SNX6: variants seen among roughly 807,000 people sequenced by gnomAD.
The protein encoded by SNX6 is sorting nexin 6.
Under a neutral mutation model 63.0 loss-of-function variants are expected in SNX6, and 34 were observed. The ratio of observed to expected loss-of-function variants is 0.54; its 90% CI spans 0.41 to 0.72. The LOEUF (loss-of-function observed/expected upper bound fraction) is 0.72. SNX6 is among the 30% of genes least tolerant of loss of function. The pLI is 0.00. For synonymous variants in SNX6, 170 were observed against 164.2 expected, an observed-to-expected ratio of 1.04 and a Z score of -0.27; for missense variants, 398 against 471.4, an observed-to-expected ratio of 0.84 and a Z score of 1.44.
chr14:34,581,235 C>T (rs762214777), intron 10 of SNX6, among the ~76,000 whole-genome samples: 4 of 152,174 alleles, frequency 2.6e-5, no homozygotes, highest in African/African-American at 4.8e-5. Flanking sequence ...CTCACTACAA[C>T]GTTGGCCTCC....
chr14:34,571,137 A>G (rs536542062), intron 11 of SNX6, among the ~76,000 whole-genome samples: 1 of 152,184 alleles, frequency 6.6e-6, no homozygotes, highest in South Asian at 2.1e-4. Context: ...TCAAGCCATG[A>G]AAAGACATAG....
At chr14:34,574,595 G>A (rs79387149) in intron 11 of SNX6, among the ~76,000 whole-genome samples, 10,292 of 133,742 alleles carry the variant, frequency 0.077, 800 homozygotes, top group African/African-American at 0.22. Flanking sequence ...GGTTACAGTT[G>A]GGTGACAGAG....
rs190693895 is a variant in SNX6, at chr14:34,627,633, G to C, written c.54+2274C>G. Reference sequence around the variant, plus strand: ...GCCTCTGAAGTAACTGGAATTACAGGCATGCGCCACCATGCCCAGCTAATT... The same window carrying C: ...GCCTCTGAAGTAACTGGAATTACAGCCATGCGCCACCATGCCCAGCTAATT... On this transcript the variant is annotated intron_variant, in intron 2 of 13. Transcript: ENST00000362031. Among the ~76,000 whole-genome samples, 994 of 152,122 alleles carry C rather than the reference G, an allele frequency of 6.5e-3. 10 individuals carry two copies. Among genetic ancestry groups the C allele is most frequent in the African/African-American group, 0.022 (917 of 41,500 alleles).
chr14:34,596,654 A>T (rs1201897328), intron 7 of SNX6, among the ~76,000 whole-genome samples: 10 of 151,148 alleles, frequency 6.6e-5, no homozygotes, highest in Admixed American at 1.3e-4. Flanking sequence ...GAAAATGGAA[A>T]AGCTGAGATC....
At chr14:34,570,072 T>TG (rs913929836) in intron 11 of SNX6, among the ~76,000 whole-genome samples, 1 of 152,060 alleles carries the variant, frequency 6.6e-6, no homozygotes, top group African/African-American at 2.4e-5. Flanking sequence ...GTTTTTTTTT[T>TG]TGTTTCATTT....
chr14:34,612,075 A>T (rs1364033321), intron 2 of SNX6, among the ~76,000 whole-genome samples: 1 of 151,778 alleles, frequency 6.6e-6, no homozygotes, highest in African/African-American at 2.4e-5. Context: ...CACCGTGTCC[A>T]GCCTCCTTTT....
intron 11 of SNX6, chr14:34,575,477 G>A (rs963326976): frequency 3.5e-5 from 6 of 171,060 alleles, no homozygotes; most frequent in African/African-American, 9.6e-5. Flanking sequence ...TGGGATTACA[G>A]GCGTGAGCCA....
At chr14:34,578,684 T>C (rs1170129574) in intron 10 of SNX6, among the ~76,000 whole-genome samples, 5 of 148,394 alleles carry the variant, frequency 3.4e-5, no homozygotes, top group Non-Finnish European at 7.4e-5. Context: ...CTCATGCCTG[T>C]AATCCCAGCA....
At chr14:34,629,004 C>T (rs1026866471) in intron 2 of SNX6, among the ~76,000 whole-genome samples, 1 of 151,988 alleles carries the variant, frequency 6.6e-6, no homozygotes, top group South Asian at 2.1e-4. Flanking sequence ...ATGCAACTAA[C>T]CTCAGAACAC....
At chr14:34,576,227 G>C (rs775121826) in intron 10 of SNX6, among the ~76,000 whole-genome samples, 7 of 151,306 alleles carry the variant, frequency 4.6e-5, no homozygotes, top group African/African-American at 1.7e-4. Context: ...GCCCGGCCTC[G>C]TTTCCTTCTT....
rs373805193 is a variant in SNX6 at position 34,562,148 on chromosome 14, A to G, written c.*974T>C. The G allele has an allele frequency of 6.3e-4, 95 of 149,768 alleles. No individual in the cohort carries two copies. In the East Asian group the frequency reaches 0.015, roughly 24 times the overall value. 9.3% of individuals were successfully genotyped at this position (149,768 alleles called of 1,614,324 possible). On this transcript the variant is annotated 3_prime_UTR_variant, in exon 14 of 14. Coordinates refer to ENST00000362031, the MANE Select transcript of SNX6 (RefSeq NM_152233.4). ...ACATACCAATCTATCCACTCGCATA[A>G]CTACTAAGTGGCTCAATGGCCTATG...
At chr14:34,601,721 A>T (rs978982295) in intron 6 of SNX6, among the ~76,000 whole-genome samples, 15 of 151,496 alleles carry the variant, frequency 9.9e-5, no homozygotes, top group Non-Finnish European at 2.1e-4. Flanking sequence ...TAGCCTCCCG[A>T]GTAGCTGGGA....
chr14:34,577,036 C>T (rs896620101), intron 10 of SNX6, among the ~76,000 whole-genome samples: 7 of 151,838 alleles, frequency 4.6e-5, no homozygotes, highest in Admixed American at 2.0e-4. Flanking sequence ...GGTGACAGAG[C>T]GAGAGACTGT....
At chr14:34,628,454 G>A (rs952031405) in intron 2 of SNX6, among the ~76,000 whole-genome samples, 6 of 152,092 alleles carry the variant, frequency 3.9e-5, no homozygotes, top group Non-Finnish European at 7.4e-5. Flanking sequence ...GCAAGACTCC[G>A]TCTCAAAAAG....
In SNX6 at chr14:34,567,235, T is replaced by C. The variant is rs1480062656; in HGVS notation, c.1167+451A>G. ...GGTACGGTGGCTCGTGTCTGTAATC[T>C]CAGCACTTTGGGAGGCTGAGGCAGG... On this transcript the variant is annotated intron_variant, in intron 13 of 13. Coordinates refer to ENST00000362031, the MANE Select transcript of SNX6 (RefSeq NM_152233.4). Among the ~76,000 whole-genome samples the C allele has an allele frequency of 2.0e-5, 3 of 150,104 alleles. No homozygotes were observed. In the East Asian group the frequency reaches 6.0e-4, roughly 30 times the overall value.
intron 9 of SNX6, among the ~76,000 whole-genome samples, chr14:34,585,337 T>C (rs899915836): frequency 6.6e-6 from 1 of 151,968 alleles, no homozygotes; most frequent in African/African-American, 2.4e-5. Flanking sequence ...CTGGCCAATA[T>C]GGTGAAACCC....
chr14:34,607,374 G>C (rs1055792008), intron 4 of SNX6, among the ~76,000 whole-genome samples: 1 of 152,070 alleles, frequency 6.6e-6, no homozygotes, highest in African/African-American at 2.4e-5. Flanking sequence ...GGGAGGCCGA[G>C]GCAGGGGGAA....
intron 5 of SNX6, among the ~76,000 whole-genome samples, chr14:34,604,460 G>A (rs911067630): frequency 6.6e-6 from 1 of 152,124 alleles, no homozygotes; most frequent in African/African-American, 2.4e-5. Flanking sequence ...GCATCCTGAA[G>A]AGAAGTATAG....
intron 2 of SNX6, among the ~76,000 whole-genome samples, chr14:34,625,348 T>G (rs1883786845): frequency 1.3e-5 from 2 of 152,234 alleles, no homozygotes; most frequent in Admixed American, 1.3e-4. Context: ...CAGATATTTC[T>G]ATTCCTAAAA....
Sources: allele counts gnomAD v4.1 joint callset (sites outside exome capture counted in the v4.1 genomes callset), GRCh38; gene constraint gnomAD v4.1.1; transcripts MANE v1.5; gene names NCBI Gene and HGNC (gene_info 2026-07-23, HGNC 2026-07-21).